Variants in GRIN2A observed in about 807,000 individuals in gnomAD.
GRIN2A encodes the protein glutamate ionotropic receptor NMDA type subunit 2A.
GRIN2A carries 22 observed loss-of-function variants against 113.4 expected under a neutral mutation model. That is an observed-to-expected ratio of 0.19 (90% CI 0.14 to 0.28). The LOEUF is 0.28. GRIN2A is among the 10% of genes least tolerant of loss of function. The pLI is 1.00. For synonymous variants in GRIN2A, 827 were observed against 738.4 expected (o/e 1.12, Z -1.94); for missense variants, 1,502 against 1,887.0 (o/e 0.80, Z 3.78).
chr16:9,961,530 G>C (rs533001009), intron 2 of GRIN2A, among the ~76,000 whole-genome samples: 1 of 152,298 alleles, frequency 6.6e-6, no homozygotes, highest in Non-Finnish European at 1.5e-5. Flanking sequence ...TATGATGATT[G>C]AATTCAGAAT....
At position 9,938,434 on chromosome 16, in the gene GRIN2A, G is replaced by T. The variant is rs1348074566; in HGVS notation, c.532C>A (p.Pro178Thr). 2 of 1,613,906 alleles carry T rather than the reference G, an allele frequency of 1.2e-6. No homozygotes were observed. Among genetic ancestry groups the T allele is most frequent in the Non-Finnish European group, 8.5e-7 (1 of 1,179,872 alleles). The change falls in exon 3 of 13, where the codon CCT becomes ACT. Residue 178 changes from proline to threonine, a missense_variant. Pro to Thr is a conservative substitution (Grantham distance 38). This residue lies in a region of GRIN2A where 334 missense variants were observed against 403.0 expected (regional missense o/e 0.83). Coordinates refer to ENST00000330684, the MANE Select transcript of GRIN2A (RefSeq NM_001134407.3). The stretch of plus-strand genomic sequence containing the variant: ...AAGCTGATGAATTCCCTGTAGCCAG[G>T]GAAGATAGTGGTCACCAGGGAGAAG... ...HVFSLVTTIF[P>T]GYREFISFVK...
intron 2 of GRIN2A, among the ~76,000 whole-genome samples, chr16:9,979,807 A>ATATATATATATATATATATATATATT (rs2045855279): frequency 7.2e-6 from 1 of 138,838 alleles, no homozygotes; most frequent in Non-Finnish European, 1.6e-5. Flanking sequence ...ATATATATAT[A>ATATATATATATATATATATATATATT]TATATGTATA....
chr16:9,869,663 A>C (rs2141421647), intron 4 of GRIN2A, among the ~76,000 whole-genome samples: 1 of 152,326 alleles, frequency 6.6e-6, no homozygotes, highest in African/African-American at 2.4e-5. Context: ...CCTTATATGT[A>C]ATGTGGGCAT....
intron 2 of GRIN2A, among the ~76,000 whole-genome samples, chr16:10,010,478 T>C (rs189575927): frequency 6.6e-6 from 1 of 152,318 alleles, no homozygotes; most frequent in East Asian, 1.9e-4. Context: ...ATAAAAGTTT[T>C]AAAAGGATAA....
chr16:10,013,566 A>G (rs1046604088), intron 2 of GRIN2A, among the ~76,000 whole-genome samples: 2 of 152,120 alleles, frequency 1.3e-5, no homozygotes, highest in African/African-American at 4.8e-5. Context: ...CTGCTCTCTC[A>G]TGCCCTCTGC....
At chr16:10,129,222 T>C (rs1481578946) in intron 2 of GRIN2A, among the ~76,000 whole-genome samples, 3 of 152,134 alleles carry the variant, frequency 2.0e-5, no homozygotes, top group Non-Finnish European at 2.9e-5. Context: ...ACTGCAGGTG[T>C]AAGCCATGAC....
chr16:10,068,115 T>C (rs1167698125), intron 2 of GRIN2A, among the ~76,000 whole-genome samples: 1 of 152,236 alleles, frequency 6.6e-6, no homozygotes, highest in Non-Finnish European at 1.5e-5. Flanking sequence ...TATGCTCTCC[T>C]TGTGGTCCTC....
chr16:9,982,370 T>C (rs2045907241), intron 2 of GRIN2A, among the ~76,000 whole-genome samples: 1 of 152,214 alleles, frequency 6.6e-6, no homozygotes, highest in African/African-American at 2.4e-5. Context: ...TTGACAATAA[T>C]TGCCTGGATC....
intron 12 of GRIN2A, among the ~76,000 whole-genome samples, chr16:9,767,868 G>A (rs1901016364): frequency 6.6e-6 from 1 of 152,048 alleles, no homozygotes. Context: ...TATTAGATGT[G>A]TATACATATT....
At chr16:10,090,491 G>A (rs2048166133) in intron 2 of GRIN2A, among the ~76,000 whole-genome samples, 2 of 151,962 alleles carry the variant, frequency 1.3e-5, no homozygotes, top group Admixed American at 1.3e-4. Context: ...ATGTGAAAAA[G>A]TGAACTTAAA....
chr16:9,782,535 G>C (rs547244243), intron 11 of GRIN2A, among the ~76,000 whole-genome samples: 4 of 152,310 alleles, frequency 2.6e-5, no homozygotes, highest in African/African-American at 9.6e-5. Flanking sequence ...GAGCCTATGT[G>C]ACATCAATGT....
intron 2 of GRIN2A, among the ~76,000 whole-genome samples, chr16:10,046,712 C>T (rs764134668): frequency 6.6e-6 from 1 of 152,046 alleles, no homozygotes; most frequent in Non-Finnish European, 1.5e-5. Flanking sequence ...AAATTCTGCA[C>T]CCTTTTGAGA....
chr16:9,997,368 G>T (rs1314947460), intron 2 of GRIN2A, among the ~76,000 whole-genome samples: 1 of 151,956 alleles, frequency 6.6e-6, no homozygotes, highest in Admixed American at 6.6e-5. Context: ...TCTATCCCGG[G>T]GGATCTCTTC....
chr16:9,990,566 CA>C (rs2046091292), intron 2 of GRIN2A, among the ~76,000 whole-genome samples: 1 of 39,116 alleles, frequency 2.6e-5, no homozygotes, highest in Non-Finnish European at 8.0e-5. Flanking sequence ...CGCGCGCGCA[CA>C]CACACACACA....
chr16:10,026,898 G>C (rs1184542307), intron 2 of GRIN2A, among the ~76,000 whole-genome samples: 1 of 152,104 alleles, frequency 6.6e-6, no homozygotes, highest in Non-Finnish European at 1.5e-5. Context: ...TCACAGAAAC[G>C]ATCAAGTTCT....
intron 4 of GRIN2A, among the ~76,000 whole-genome samples, chr16:9,853,992 A>C (rs1015892068): frequency 3.3e-5 from 5 of 152,126 alleles, no homozygotes; most frequent in Non-Finnish European, 1.5e-5. Context: ...GTTTATGTAT[A>C]TGTTTTACTT....
At position 9,903,263 on chromosome 16, in the gene GRIN2A, C is replaced by T. The variant is rs574607533; in HGVS notation, c.1008-12163G>A. Among the ~76,000 whole-genome samples, 10 of 152,150 alleles carry T rather than the reference C, an allele frequency of 6.6e-5. No homozygotes were observed. The South Asian group carries it at 1.2e-3, about 19-fold the overall frequency. On this transcript the variant is annotated intron_variant, in intron 3 of 12. Transcript: ENST00000330684. Reference sequence around the variant, plus strand: ...GATTACAGGCGTGAGTCACCGTGCCCGGCCTCTCTTGGTTTTCTTAATCCA... The same window carrying T: ...GATTACAGGCGTGAGTCACCGTGCCTGGCCTCTCTTGGTTTTCTTAATCCA...
intron 4 of GRIN2A, among the ~76,000 whole-genome samples, chr16:9,884,908 T>C (rs904611123): frequency 1.3e-5 from 2 of 151,678 alleles, no homozygotes; most frequent in Admixed American, 6.6e-5. Flanking sequence ...TAATTTTTTT[T>C]TTGTATTTTT....
At chr16:9,866,132 G>C (rs753750781) in intron 4 of GRIN2A, among the ~76,000 whole-genome samples, 2 of 152,188 alleles carry the variant, frequency 1.3e-5, no homozygotes, top group African/African-American at 4.8e-5. Flanking sequence ...ACTCACCAGT[G>C]AGGAAGATAA....
Sources: allele counts gnomAD v4.1 joint callset (sites outside exome capture counted in the v4.1 genomes callset), GRCh38; gene constraint gnomAD v4.1.1; regional missense constraint gnomAD v4.1.1; transcripts MANE v1.5; gene names NCBI Gene and HGNC (gene_info 2026-07-23, HGNC 2026-07-21).